Variants in NCAM2 observed in about 807,000 individuals in gnomAD.
The protein encoded by NCAM2 is N-CAM-2.
A neutral mutation model predicts 98.1 loss-of-function variants in NCAM2; 30 were observed. The ratio of observed to expected loss-of-function variants is 0.31; its 90% CI spans 0.23 to 0.41. NCAM2 has a LOEUF of 0.41. NCAM2 is among the 10% of genes least tolerant of loss of function. The probability of loss-of-function intolerance (pLI) is 1.00; values close to 1 mark genes in which losing one functional copy is unlikely to be tolerated. For synonymous variants in NCAM2, 368 were observed against 342.4 expected, an observed-to-expected ratio of 1.07 and a Z score of -0.83; for missense variants, 867 against 1,005.8, an observed-to-expected ratio of 0.86 and a Z score of 1.87.
At chr21:21,311,319 G>T (rs1197893281) in intron 5 of NCAM2, among the ~76,000 whole-genome samples, 1 of 148,620 alleles carries the variant, frequency 6.7e-6, no homozygotes, top group Non-Finnish European at 1.5e-5. Context: ...GCAAAAGATG[G>T]TTACAAATAT....
intron 1 of NCAM2, among the ~76,000 whole-genome samples, chr21:21,132,840 C>G (rs927697255): frequency 6.6e-6 from 1 of 152,086 alleles, no homozygotes; most frequent in Admixed American, 6.6e-5. Context: ...AACCACTGCA[C>G]AAGGCAAGAA....
chr21:21,147,919 A>C (rs2067334469), intron 1 of NCAM2, among the ~76,000 whole-genome samples: 5 of 151,692 alleles, frequency 3.3e-5, no homozygotes, highest in Admixed American at 3.3e-4. Context: ...AATAACATAT[A>C]GGATATATAT....
At chr21:21,533,166 C>CTTTTTTTTTTTT (rs201532023) in intron 16 of NCAM2, among the ~76,000 whole-genome samples, 11,583 of 90,524 alleles carry the variant, frequency 0.13, 1,509 homozygotes, top group Admixed American at 0.16. Context: ...TGTTTGCTTG[C>CTTTTTTTTTTTT]TTTTTTTTTT....
chr21:21,483,762 AG>A (rs1278732828), intron 15 of NCAM2, among the ~76,000 whole-genome samples: 1 of 152,122 alleles, frequency 6.6e-6, no homozygotes, highest in Non-Finnish European at 1.5e-5. Flanking sequence ...GTAGTGAAAA[AG>A]TAAGTCTAAA....
rs1990307120 is a variant in NCAM2, at chr21:21,543,286, A to G, written c.*5329A>G. On this transcript the variant is annotated 3_prime_UTR_variant, in exon 18 of 18. Coordinates refer to ENST00000400546, the MANE Select transcript of NCAM2 (RefSeq NM_004540.5). ...GCTTACAGTATATCAAACTTGTCAC[A>G]CTTCACCATTTGTATATTAATAGTA... The G allele has an allele frequency of 6.6e-6, 1 of 151,924 alleles. No homozygotes were observed. The highest frequency in any genetic ancestry group is 1.5e-5 in the Non-Finnish European group (1 of 67,890). 9.4% of individuals were successfully genotyped at this position (151,924 alleles called of 1,614,324 possible).
chr21:21,118,333 G>C (rs1290364013), intron 1 of NCAM2, among the ~76,000 whole-genome samples: 1 of 151,710 alleles, frequency 6.6e-6, no homozygotes. Context: ...AAGATGCAGC[G>C]GGGGGGCAGG....
rs115979110 is a variant in NCAM2, at chr21:21,477,269, T to C, written c.1897-22T>C. ...CTTTAGTGTATGGATATTTACAAAC[T>C]GCATTTTTATTGCTTTCACAGAAAG... On this transcript the variant is annotated intron_variant, in intron 14 of 17. Transcript: ENST00000400546. The C allele has an allele frequency of 1.4e-3, 2,172 of 1,553,840 alleles. 29 individuals carry two copies. In the African/African-American group the frequency reaches 0.027, roughly 19 times the overall value.
At chr21:21,380,332 A>G (rs950609298) in intron 9 of NCAM2, among the ~76,000 whole-genome samples, 1 of 152,070 alleles carries the variant, frequency 6.6e-6, no homozygotes, top group African/African-American at 2.4e-5. Context: ...TCTTTGCATT[A>G]TGTATTTTGA....
intron 8 of NCAM2, among the ~76,000 whole-genome samples, chr21:21,342,437 G>T (rs1210621080): frequency 6.6e-6 from 1 of 152,146 alleles, no homozygotes; most frequent in Admixed American, 6.5e-5. Context: ...CACTTAAGTG[G>T]CTGGAATTCA....
intron 1 of NCAM2, among the ~76,000 whole-genome samples, chr21:21,088,358 A>C (rs1406113665): frequency 1.3e-5 from 2 of 152,200 alleles, no homozygotes; most frequent in Non-Finnish European, 2.9e-5. Flanking sequence ...CTTAACATCA[A>C]ATTAAACATC....
chr21:21,451,782 TG>T (rs1981108498), intron 12 of NCAM2, among the ~76,000 whole-genome samples: 1 of 152,144 alleles, frequency 6.6e-6, no homozygotes, highest in Non-Finnish European at 1.5e-5. Flanking sequence ...ATGGGCTTCA[TG>T]ACGCTGCTTC....
intron 1 of NCAM2, among the ~76,000 whole-genome samples, chr21:21,220,863 A>C (rs1156466027): frequency 1.3e-5 from 2 of 152,208 alleles, no homozygotes; most frequent in African/African-American, 4.8e-5. Context: ...GGTGGCACTA[A>C]AGGCATAACT....
chr21:21,451,997 C>A (rs571768482), intron 12 of NCAM2, among the ~76,000 whole-genome samples: 3 of 152,148 alleles, frequency 2.0e-5, no homozygotes, highest in African/African-American at 7.2e-5. Context: ...TCACTTAATT[C>A]TACAAATATT....
intron 12 of NCAM2, among the ~76,000 whole-genome samples, chr21:21,462,511 G>A (rs957036356): frequency 1.3e-5 from 2 of 151,900 alleles, no homozygotes; most frequent in Non-Finnish European, 1.5e-5. Context: ...ATTATTTTGT[G>A]TAGTTCCCTT....
chr21:21,531,825 CCAAAAAAAAAAA>C (rs1311564799), intron 16 of NCAM2, among the ~76,000 whole-genome samples: 2 of 118,028 alleles, frequency 1.7e-5, no homozygotes, highest in African/African-American at 6.9e-5. Flanking sequence ...CTAAAAAATA[CCAAAAAAAAAAA>C]AAAAAATTAG....
chr21:21,410,288 A>G lies in NCAM2; in HGVS notation c.1210A>G (p.Ile404Val). The G allele has an allele frequency of 6.4e-7, 1 of 1,550,950 alleles. No individual in the cohort carries two copies. The highest frequency in any genetic ancestry group is 8.7e-7 in the Non-Finnish European group (1 of 1,148,038). Residue 404 changes from isoleucine to valine, a missense_variant, in exon 10 of 18, where the codon ATA becomes GTA. Coordinates refer to ENST00000400546, the MANE Select transcript of NCAM2 (RefSeq NM_004540.5). Reference sequence around the variant, plus strand: ...TTGTATTACAGATGCCCCCAAGTTTATATCAAACCAAACAATTTATTACTC... The same window carrying G: ...TTGTATTACAGATGCCCCCAAGTTTGTATCAAACCAAACAATTTATTACTC... The part of the protein sequence containing the change: ...YLDIEYAPKF[I>V]SNQTIYYSWE...
At chr21:21,189,589 T>G (rs760437316) in intron 1 of NCAM2, among the ~76,000 whole-genome samples, 2 of 152,030 alleles carry the variant, frequency 1.3e-5, no homozygotes, top group Non-Finnish European at 1.5e-5. Flanking sequence ...AAAAATAAAT[T>G]CCAGACTTGA....
At position 21,531,288 on chromosome 21, in the gene NCAM2, C is replaced by T. The variant is rs554112086; in HGVS notation, c.2283-3249C>T. Among the ~76,000 whole-genome samples the T allele has an allele frequency of 3.2e-4, 49 of 152,134 alleles. No individual in the cohort carries two copies. The South Asian group carries it at 9.5e-3, about 30-fold the overall frequency. On this transcript the variant is annotated intron_variant, in intron 16 of 17. Coordinates refer to ENST00000400546, the MANE Select transcript of NCAM2 (RefSeq NM_004540.5). ...TTTCATAAATTTTTTTCAGTGTTGA[C>T]ATTTTCATTTTTAAAAAATTTCTTA...
intron 1 of NCAM2, among the ~76,000 whole-genome samples, chr21:21,219,591 A>G (rs1310088307): frequency 6.6e-6 from 1 of 152,242 alleles, no homozygotes; most frequent in Non-Finnish European, 1.5e-5. Flanking sequence ...CGCATAGCAC[A>G]TACTTTTATG....
Sources: allele counts gnomAD v4.1 joint callset (sites outside exome capture counted in the v4.1 genomes callset), GRCh38; gene constraint gnomAD v4.1.1; transcripts MANE v1.5; gene names NCBI Gene and HGNC (gene_info 2026-07-23, HGNC 2026-07-21).